Variants in COL5A1 observed in about 807,000 individuals in gnomAD.
COL5A1 encodes collagen alpha-1(V) chain.
In COL5A1, 16 loss-of-function variants were observed where a neutral mutation model predicts 263.7. The observed-to-expected ratio is 0.06, with a 90% CI of 0.04 to 0.09. The LOEUF is 0.09. Among genes scored for constraint, COL5A1 ranks in the 10% least tolerant of loss-of-function variants. The pLI, the probability that COL5A1 is intolerant of heterozygous loss-of-function variation, is 1.00. For synonymous variants in COL5A1, 1,012 were observed against 1,004.5 expected, an observed-to-expected ratio of 1.01 and a Z score of -0.14; for missense variants, 2,036 against 2,540.5, an observed-to-expected ratio of 0.80 and a Z score of 4.27.
intron 1 of COL5A1, among the ~76,000 whole-genome samples, chr9:134,685,635 ACCATCCATCCAT>A: frequency 8.1e-6 from 1 of 122,786 alleles, no homozygotes; most frequent in Non-Finnish European, 1.8e-5. Context: ...CCATCCATCC[ACCATCCATCCAT>A]GCATCCATTC....
At chr9:134,735,579 T>C (rs572300876) in intron 9 of COL5A1, among the ~76,000 whole-genome samples, 45 of 152,296 alleles carry the variant, frequency 3.0e-4, no homozygotes, top group African/African-American at 1.1e-3. Context: ...GACGCTGACC[T>C]GGGATGATCT....
Position 134,805,148 on chromosome 9 carries a change from C to T in COL5A1, c.3205-13C>T. ...CCCACGTGCCCTTGACCAACCTTTTCATGGCTTTGCAGGGAGCTCTTGGAC... is the reference window on the plus strand; with the variant it reads ...CCCACGTGCCCTTGACCAACCTTTTTATGGCTTTGCAGGGAGCTCTTGGAC... On this transcript the variant is annotated splice_polypyrimidine_tract_variant and intron_variant, in intron 40 of 65. Transcript: ENST00000371817. The T allele has an allele frequency of 6.2e-7, 1 of 1,613,988 alleles. No homozygotes were observed. The highest frequency in any genetic ancestry group is 8.5e-7 in the Non-Finnish European group (1 of 1,180,004).
At chr9:134,820,354 CTGCT>C in intron 58 of COL5A1, 131 bp downstream of exon 58, 1 of 740,926 alleles carries the variant, frequency 1.3e-6, no homozygotes, top group Non-Finnish European at 2.4e-6. Flanking sequence ...TCCGGTCATC[CTGCT>C]TGGCAGATGG....
At chr9:134,810,159 C>T (rs1448348672) in intron 43 of COL5A1, 96 bp from the exon 44 acceptor site, 4 of 1,353,752 alleles carry the variant, frequency 3.0e-6, no homozygotes, top group Non-Finnish European at 3.2e-6. Flanking sequence ...GGAAAGGACA[C>T]TGTTCTTAAT....
At chr9:134,720,007 C>T (rs1042021974) in intron 4 of COL5A1, among the ~76,000 whole-genome samples, 4 of 152,054 alleles carry the variant, frequency 2.6e-5, no homozygotes, top group East Asian at 1.9e-4. Context: ...TTTCTGAGGT[C>T]GTGGTCAGGC....
At chr9:134,810,155 G>C (rs1838462479) in intron 43 of COL5A1, 100 bp from the exon 44 acceptor site, 1 of 1,304,772 alleles carries the variant, frequency 7.7e-7, no homozygotes, top group African/African-American at 1.4e-5. Flanking sequence ...ACCTGGAAAG[G>C]ACACTGTTCT....
Position 134,767,219 on chromosome 9 carries a change from G to C in COL5A1, c.2188-91G>C, listed in dbSNP as rs919226853. 8.1e-6 allele frequency: 12 copies of C among 1,475,040 alleles called. No homozygotes were observed. The East Asian group carries it at 2.7e-4, about 33-fold the overall frequency. 91.4% of individuals were successfully genotyped at this position (1,475,040 alleles called of 1,614,324 possible). On this transcript the variant is annotated intron_variant, in intron 23 of 65. Coordinates refer to ENST00000371817, the MANE Select transcript of COL5A1 (RefSeq NM_000093.5). ...CCTGGGTTGGTGCCTGGATGAGGGA[G>C]ACATCAATGAGAAGATGGACAGATG... is the stretch of plus-strand genomic sequence containing the variant.
chr9:134,842,129 A>G lies in COL5A1; in HGVS notation c.5371-28A>G. Reference sequence around the variant, plus strand: ...CCAAGACCCCCAACTGTTCTTAACCACCGGCCATCTGTCTCCCTCTTCCCC... The same window carrying G: ...CCAAGACCCCCAACTGTTCTTAACCGCCGGCCATCTGTCTCCCTCTTCCCC... On this transcript the variant is annotated intron_variant, in intron 65 of 65. Transcript: ENST00000371817. This position sits in a 1 kb window ranked among gnomAD's most constrained non-coding sequence, Gnocchi z 5.8. The G allele has an allele frequency of 6.2e-7, 1 of 1,613,926 alleles. No individual in the cohort carries two copies. The highest frequency in any genetic ancestry group is 2.2e-5 in the East Asian group (1 of 44,866).
chr9:134,758,400 G>T lies in COL5A1; in HGVS notation c.1935+104G>T. On this transcript the variant is annotated intron_variant, in intron 18 of 65. Transcript: ENST00000371817. The surrounding 1 kb of genome is among the most constrained non-coding windows in gnomAD (Gnocchi z 4.1). ...CAGCCTCAGATTTCCTGTGGGGTCA[G>T]GTCTCCGCCATTCCAACAGTCAGTA... The T allele has an allele frequency of 8.6e-6, 10 of 1,161,226 alleles. No individual in the cohort carries two copies. Among genetic ancestry groups the T allele is most frequent in the Non-Finnish European group, 1.3e-5 (10 of 780,012 alleles). The allele number at this position is 1,161,226 out of a possible 1,614,324, so 71.9% of individuals were successfully genotyped here.
chr9:134,685,444 TCCATC>T, intron 1 of COL5A1, among the ~76,000 whole-genome samples: 1 of 734 alleles, frequency 1.4e-3, no homozygotes, highest in Non-Finnish European at 2.3e-3. Context: ...CCATCCATTG[TCCATC>T]ATCCATCCAT....
At chr9:134,799,567 G>A (rs748138348) in intron 37 of COL5A1, among the ~76,000 whole-genome samples, 2 of 152,230 alleles carry the variant, frequency 1.3e-5, no homozygotes, top group Non-Finnish European at 2.9e-5. Flanking sequence ...GACTCTCCCA[G>A]CAAAAGCAGG....
intron 39 of COL5A1, among the ~76,000 whole-genome samples, chr9:134,804,232 C>T (rs770624400): frequency 2.6e-5 from 4 of 152,080 alleles, no homozygotes; most frequent in Non-Finnish European, 4.4e-5. Flanking sequence ...GAGAGCTCTC[C>T]GAGCTTGGAA....
chr9:134,771,743 G>C (rs1172863253), intron 25 of COL5A1, among the ~76,000 whole-genome samples: 1 of 152,202 alleles, frequency 6.6e-6, no homozygotes, highest in Admixed American at 6.5e-5. Flanking sequence ...GGGAGGCCCA[G>C]AGAGGGCAAG....
intron 59 of COL5A1, among the ~76,000 whole-genome samples, chr9:134,822,715 GCTGC>G (rs1839058877): frequency 9.4e-6 from 1 of 106,724 alleles, no homozygotes; most frequent in South Asian, 2.5e-4. Context: ...GCTCTTTTCC[GCTGC>G]GCCCCCCCCG....
At chr9:134,788,652 G>GATAGATGGATAGACAA (rs1837558446) in intron 31 of COL5A1, among the ~76,000 whole-genome samples, 1 of 151,648 alleles carries the variant, frequency 6.6e-6, no homozygotes, top group Admixed American at 6.6e-5. Flanking sequence ...TGGATAGACA[G>GATAGATGGATAGACAA]ATAGATGGAT....
chr9:134,809,481 G>C (rs979655394), intron 43 of COL5A1, among the ~76,000 whole-genome samples, 191 bp downstream of exon 43: 4 of 152,034 alleles, frequency 2.6e-5, no homozygotes, highest in Admixed American at 6.5e-5. Flanking sequence ...GGTAATACAC[G>C]CCGTCCCCGG....
intron 4 of COL5A1, among the ~76,000 whole-genome samples, chr9:134,712,011 GT>G (rs1191202415): frequency 1.3e-5 from 1 of 76,358 alleles, no homozygotes; most frequent in Non-Finnish European, 2.4e-5. Flanking sequence ...CCTCCTTCCT[GT>G]CCCCCTCCTT....
intron 1 of COL5A1, among the ~76,000 whole-genome samples, chr9:134,670,647 C>G (rs973727343): frequency 2.0e-5 from 3 of 152,186 alleles, no homozygotes; most frequent in Middle Eastern, 3.2e-3. Context: ...CAGGCTGTCC[C>G]GAGAAGCTGA....
chr9:134,784,909 C>T (rs1159693222), intron 29 of COL5A1, 80 bp from the exon 30 acceptor site: 1 of 1,213,884 alleles, frequency 8.2e-7, no homozygotes, highest in Non-Finnish European at 1.2e-6. Flanking sequence ...TGTCCCCTTG[C>T]TCCTTGCTCT....
Sources: allele counts gnomAD v4.1 joint callset (sites outside exome capture counted in the v4.1 genomes callset), GRCh38; gene constraint gnomAD v4.1.1; non-coding constraint Gnocchi (gnomAD v3.1); transcripts MANE v1.5; gene names NCBI Gene and HGNC (gene_info 2026-07-23, HGNC 2026-07-21).